The following AIF1L variants were observed in gnomAD, a reference collection of about 807,000 sequenced individuals.
AIF1L encodes allograft inflammatory factor 1-like.
AIF1L carries 12 observed loss-of-function variants against 20.7 expected under a neutral mutation model. The ratio of observed to expected loss-of-function variants is 0.58; its 90% CI spans 0.37 to 0.94. AIF1L has a LOEUF of 0.94. Among genes scored for constraint, AIF1L ranks in the 40% least tolerant of loss-of-function variants. The pLI, the probability that AIF1L is intolerant of heterozygous loss-of-function variation, is 0.01. For missense variants in AIF1L, 173 were observed against 185.3 expected, an observed-to-expected ratio of 0.93 and a Z score of 0.39; for synonymous variants, 76 against 65.1, an observed-to-expected ratio of 1.17 and a Z score of -0.81.
chr9:131,115,974 C>CAAA (rs148734354), intron 4 of AIF1L, among the ~76,000 whole-genome samples: 21 of 82,244 alleles, frequency 2.6e-4, no homozygotes, highest in African/African-American at 8.5e-4. Context: ...GACTTCGTCT[C>CAAA]AAAAAAAAAA....
chr9:131,120,291 C>A lies in AIF1L; in HGVS notation c.422C>A (p.Pro141His). Residue 141 changes from proline to histidine, a missense_variant, in exon 6 of 6, where the codon CCT becomes CAT. Coordinates refer to ENST00000247291, the MANE Select transcript of AIF1L (RefSeq NM_031426.4). ...NESSPKPVGPPPERDIASLP is the reference protein window; with the variant it reads ...NESSPKPVGPHPERDIASLP Reference sequence around the variant, plus strand: ...AGCAGCCCCAAGCCAGTTGGCCCCCCTCCAGAGAGAGACATTGCTAGCCTG... The same window carrying A: ...AGCAGCCCCAAGCCAGTTGGCCCCCATCCAGAGAGAGACATTGCTAGCCTG... 3.7e-6 allele frequency: 6 copies of A among 1,613,880 alleles called. No individual in the cohort carries two copies. The highest frequency in any genetic ancestry group is 5.1e-6 in the Non-Finnish European group (6 of 1,179,944).
chr9:131,118,328 G>A (rs141843379), intron 5 of AIF1L, among the ~76,000 whole-genome samples: 351 of 151,866 alleles, frequency 2.3e-3, no homozygotes, highest in African/African-American at 8.0e-3. Flanking sequence ...CCTGACCTCA[G>A]GTAATCTGCC....
At chr9:131,104,489 G>T (rs1354959635) in intron 2 of AIF1L, among the ~76,000 whole-genome samples, 1 of 152,160 alleles carries the variant, frequency 6.6e-6, no homozygotes, top group Non-Finnish European at 1.5e-5. Context: ...CTTGTTTGGG[G>T]CAGGCATAGA....
At chr9:131,102,700 G>C (rs1215696465) in intron 2 of AIF1L, among the ~76,000 whole-genome samples, 2 of 152,224 alleles carry the variant, frequency 1.3e-5, no homozygotes, top group East Asian at 3.8e-4. Context: ...TGGGGAATGT[G>C]AACCCGCTGT....
At chr9:131,107,445 A>G (rs1318033100) in intron 2 of AIF1L, among the ~76,000 whole-genome samples, 1 of 152,226 alleles carries the variant, frequency 6.6e-6, no homozygotes, top group Non-Finnish European at 1.5e-5. Flanking sequence ...ACCAGACCCC[A>G]GGGGCTGGGA....
intron 4 of AIF1L, among the ~76,000 whole-genome samples, chr9:131,117,549 G>A (rs984226894): frequency 1.3e-5 from 2 of 152,176 alleles, no homozygotes; most frequent in African/African-American, 2.4e-5. Flanking sequence ...ATGCAAGCCC[G>A]TCTGACTCTA....
chr9:131,120,230 A>G lies in AIF1L; in HGVS notation c.366-5A>G, dbSNP rs1216057136. On this transcript the variant is annotated splice_polypyrimidine_tract_variant and splice_region_variant and intron_variant, in intron 5 of 5. Transcript: ENST00000247291. ...CTTTTTTTCTTTTCTCCATCTCCAA[A>G]CCAGAGTCATGATGTTTGAAGGAAA... 4 of 1,612,046 alleles carry G rather than the reference A, an allele frequency of 2.5e-6. 1 individual carries two copies. In the South Asian group the frequency reaches 4.4e-5, roughly 18 times the overall value.
chr9:131,115,537 G>C (rs111828870), intron 4 of AIF1L, among the ~76,000 whole-genome samples: 4 of 150,360 alleles, frequency 2.7e-5, no homozygotes, highest in African/African-American at 4.9e-5. Flanking sequence ...GGGCCCAGCC[G>C]TTGGTTTCTG....
At chr9:131,113,273 G>A (rs1830935317) in intron 3 of AIF1L, among the ~76,000 whole-genome samples, 1 of 151,956 alleles carries the variant, frequency 6.6e-6, no homozygotes, top group Non-Finnish European at 1.5e-5. Context: ...CGAGGTGGGT[G>A]GATCACCTGA....
chr9:131,109,028 G>A (rs559479428), intron 2 of AIF1L, among the ~76,000 whole-genome samples: 1 of 152,294 alleles, frequency 6.6e-6, no homozygotes, highest in Admixed American at 6.5e-5. Flanking sequence ...CATGTATTAG[G>A]AAGTAGGTCA....
intron 2 of AIF1L, among the ~76,000 whole-genome samples, chr9:131,105,376 GTTTTTTA>G (rs1830723730): frequency 6.6e-6 from 1 of 152,160 alleles, no homozygotes; most frequent in Admixed American, 6.6e-5. Flanking sequence ...GTTTTGTTTT[GTTTTTTA>G]AGACAAAGTC....
At chr9:131,118,334 C>T (rs961104304) in intron 5 of AIF1L, among the ~76,000 whole-genome samples, 10 of 151,940 alleles carry the variant, frequency 6.6e-5, no homozygotes. Flanking sequence ...CTCAGGTAAT[C>T]TGCCCTCCTC....
rs12684894 is a variant in AIF1L at position 131,106,947 on chromosome 9, G to A, written c.94-4650G>A. Among the ~76,000 whole-genome samples, 7 of 152,022 alleles carry A rather than the reference G, an allele frequency of 4.6e-5. No homozygotes were observed. In the East Asian group the frequency reaches 9.7e-4, roughly 21 times the overall value. ...CGCATCTCTACTAAAACAAAAATTA[G>A]CTGGACGTGTTGGTGCGCACCTGTA... On this transcript the variant is annotated intron_variant, in intron 2 of 5. Coordinates refer to ENST00000247291, the MANE Select transcript of AIF1L (RefSeq NM_031426.4).
At chr9:131,117,990 G>A (rs1475403072) in intron 5 of AIF1L, 72 bp downstream of exon 5, 1 of 1,480,990 alleles carries the variant, frequency 6.8e-7, no homozygotes, top group Non-Finnish European at 9.0e-7. Context: ...CCTGGCTCTG[G>A]GCACCCCAGC....
chr9:131,111,345 G>T, intron 2 of AIF1L: 1 of 435,474 alleles, frequency 2.3e-6, no homozygotes, highest in South Asian at 4.0e-5. Flanking sequence ...GTAGCTGCTG[G>T]CTGGAGGGCT....
At position 131,096,829 on chromosome 9, in the gene AIF1L, C is replaced by G. The variant is rs1363833268; in HGVS notation, c.59C>G (p.Ala20Gly). 2 of 1,539,026 alleles carry G rather than the reference C, an allele frequency of 1.3e-6. No individual in the cohort carries two copies. Among genetic ancestry groups the G allele is most frequent in the East Asian group, 2.5e-5 (1 of 39,234 alleles). ...GGGAAGGCGTTCGGCTTGCTCAAAGCCCGGCAGGAGAGGAGGCTGGCCGAG... is the reference window on the plus strand; with the variant it reads ...GGGAAGGCGTTCGGCTTGCTCAAAGGCCGGCAGGAGAGGAGGCTGGCCGAG... ...QGGKAFGLLK[A>G]RQERRLAEIN... Residue 20 changes from alanine (A) to glycine (G), a missense_variant, in exon 2 of 6, where the codon GCC becomes GGC. By Grantham distance (60) the Ala-to-Gly change is moderately conservative (BLOSUM62 0). Transcript: ENST00000247291.
At chr9:131,112,968 A>G (rs1199512733) in intron 3 of AIF1L, among the ~76,000 whole-genome samples, 1 of 152,058 alleles carries the variant, frequency 6.6e-6, no homozygotes, top group Non-Finnish European at 1.5e-5. Context: ...TTTGTTCTCC[A>G]AATGCGCACC....
At chr9:131,114,301 G>A (rs1025767241) in intron 3 of AIF1L, 5 of 438,050 alleles carry the variant, frequency 1.1e-5, no homozygotes, top group African/African-American at 2.0e-5. Flanking sequence ...CTGGGGACCC[G>A]GGAGAAAGCA....
At chr9:131,118,488 T>C (rs1831064005) in intron 5 of AIF1L, among the ~76,000 whole-genome samples, 1 of 151,900 alleles carries the variant, frequency 6.6e-6, no homozygotes, top group Non-Finnish European at 1.5e-5. Flanking sequence ...GTGATGATGA[T>C]GATGGTGGTG....
Sources: gnomAD v4.1 joint callset for allele counts (sites outside exome capture counted in the v4.1 genomes callset) on GRCh38, gnomAD v4.1.1 for gene constraint, MANE v1.5 for transcripts, NCBI Gene and HGNC (gene_info 2026-07-23, HGNC 2026-07-21) for gene names.